PPP2R2B: variants seen among roughly 807,000 people sequenced by gnomAD.
The protein encoded by PPP2R2B is serine/threonine-protein phosphatase 2A 55 kDa regulatory subunit B beta isoform.
In PPP2R2B, 5 loss-of-function variants were observed where a neutral mutation model predicts 46.0. The observed-to-expected ratio is 0.11, with a 90% CI of 0.06 to 0.23. The LOEUF (loss-of-function observed/expected upper bound fraction) is 0.23, where lower values mean the gene tolerates loss of function less well. Among genes scored for constraint, PPP2R2B ranks in the 10% least tolerant of loss-of-function variants. The pLI, the probability that PPP2R2B is intolerant of heterozygous loss-of-function variation, is 1.00. For synonymous variants in PPP2R2B, 215 were observed against 206.7 expected, an observed-to-expected ratio of 1.04 and a Z score of -0.34; for missense variants, 367 against 575.0, an observed-to-expected ratio of 0.64 and a Z score of 3.70.
At chr5:146,965,187 A>C (rs1290092375) in intron 1 of PPP2R2B, among the ~76,000 whole-genome samples, 1 of 152,144 alleles carries the variant, frequency 6.6e-6, no homozygotes, top group Non-Finnish European at 1.5e-5. Context: ...AAAATCATCC[A>C]CCAACTCCCT....
At chr5:147,079,472 A>G (rs1757908171) in intron 2 of PPP2R2B, among the ~76,000 whole-genome samples, 1 of 145,298 alleles carries the variant, frequency 6.9e-6, no homozygotes, top group Non-Finnish European at 1.5e-5. Context: ...ATATATATAC[A>G]TGTGCAATGG....
chr5:146,763,452 C>A (rs1296877253), intron 2 of PPP2R2B, among the ~76,000 whole-genome samples: 2 of 152,150 alleles, frequency 1.3e-5, no homozygotes, highest in African/African-American at 2.4e-5. Flanking sequence ...TGGTATGACT[C>A]TTTTGGCAAT....
At chr5:146,954,756 ATGTGTG>A (rs149370877) in intron 1 of PPP2R2B, among the ~76,000 whole-genome samples, 96 of 146,750 alleles carry the variant, frequency 6.5e-4, no homozygotes, top group African/African-American at 2.3e-3. Context: ...ATGTGTATAT[ATGTGTG>A]TGTGTGTGTG....
At chr5:146,865,293 GACACAC>G (rs36219835) in intron 2 of PPP2R2B, among the ~76,000 whole-genome samples, 4,144 of 145,960 alleles carry the variant, frequency 0.028, 55 homozygotes, top group Non-Finnish European at 0.032. Flanking sequence ...CTTTGTCTCT[GACACAC>G]ACACACACAC....
chr5:146,794,620 G>T (rs547884139), intron 2 of PPP2R2B, among the ~76,000 whole-genome samples: 3 of 152,096 alleles, frequency 2.0e-5, no homozygotes, highest in African/African-American at 7.2e-5. Context: ...TTCTACAGTT[G>T]AGTAAGCCCA....
At chr5:147,042,218 C>T (rs911487175) in intron 1 of PPP2R2B, among the ~76,000 whole-genome samples, 4 of 152,056 alleles carry the variant, frequency 2.6e-5, no homozygotes, top group Non-Finnish European at 1.5e-5. Flanking sequence ...ATTGTTTTAA[C>T]TAGACCCCCC....
intron 7 of PPP2R2B, among the ~76,000 whole-genome samples, chr5:146,623,588 C>A (rs1157810059): frequency 6.6e-6 from 1 of 152,216 alleles, no homozygotes; most frequent in African/African-American, 2.4e-5. Context: ...AATTTCACTG[C>A]ATTACAGACA....
intron 1 of PPP2R2B, among the ~76,000 whole-genome samples, chr5:146,912,742 T>G (rs916260843): frequency 2.6e-5 from 4 of 151,930 alleles, no homozygotes; most frequent in Non-Finnish European, 5.9e-5. Flanking sequence ...CTCCTGACCT[T>G]GTGATCCGCT....
At chr5:146,943,771 G>A (rs1764397121) in intron 1 of PPP2R2B, among the ~76,000 whole-genome samples, 1 of 152,110 alleles carries the variant, frequency 6.6e-6, no homozygotes, top group Non-Finnish European at 1.5e-5. Flanking sequence ...TCCAAATCCA[G>A]CTTACTGAAA....
At chr5:146,651,075 A>G (rs996281228) in intron 5 of PPP2R2B, among the ~76,000 whole-genome samples, 6 of 152,062 alleles carry the variant, frequency 3.9e-5, no homozygotes, top group Non-Finnish European at 8.8e-5. Flanking sequence ...TAAACATGAA[A>G]TCTATTTAAA....
chr5:146,823,424 C>G (rs927169686), intron 2 of PPP2R2B, among the ~76,000 whole-genome samples: 1 of 152,006 alleles, frequency 6.6e-6, no homozygotes, highest in Non-Finnish European at 1.5e-5. Context: ...GTCTTGATCT[C>G]CTGACCTCGT....
chr5:146,755,873 AGCTTAT>A (rs1227624604), intron 2 of PPP2R2B, among the ~76,000 whole-genome samples: 1 of 152,184 alleles, frequency 6.6e-6, no homozygotes, highest in Non-Finnish European at 1.5e-5. Flanking sequence ...CAGGCACCAA[AGCTTAT>A]GCATTTTCAG....
intron 1 of PPP2R2B, among the ~76,000 whole-genome samples, chr5:146,972,175 T>C (rs769508660): frequency 4.7e-5 from 7 of 148,602 alleles, no homozygotes; most frequent in African/African-American, 1.7e-4. Flanking sequence ...CAATTTGGGT[T>C]TGTCAAATAT....
intron 1 of PPP2R2B, among the ~76,000 whole-genome samples, chr5:147,030,918 A>G (rs1755747487): frequency 6.6e-6 from 1 of 152,280 alleles, no homozygotes; most frequent in South Asian, 2.1e-4. Flanking sequence ...CTTGCAATAA[A>G]TTATCTCATA....
rs538885478 is a variant in PPP2R2B, at chr5:146,972,673, T to C, written c.79+82992A>G. Among the ~76,000 whole-genome samples the C allele has an allele frequency of 4.6e-5, 7 of 152,236 alleles. No homozygotes were observed. The East Asian group carries it at 9.7e-4, about 21-fold the overall frequency. Reference sequence around the variant, plus strand: ...GTCGAAGTCAGCTGAGATCATGCCATTGTACTCCAGCCTAGGCAAGAGAGT... The same window carrying C: ...GTCGAAGTCAGCTGAGATCATGCCACTGTACTCCAGCCTAGGCAAGAGAGT... On this transcript the variant is annotated intron_variant, in intron 1 of 8. Transcript: ENST00000336640.
intron 5 of PPP2R2B, among the ~76,000 whole-genome samples, chr5:146,688,165 T>C (rs1778625104): frequency 6.6e-6 from 1 of 152,120 alleles, no homozygotes; most frequent in African/African-American, 2.4e-5. Context: ...AAATGCAGGA[T>C]ATTTGAGAGC....
intron 1 of PPP2R2B, among the ~76,000 whole-genome samples, chr5:146,992,153 G>T (rs1240168499): frequency 6.6e-6 from 1 of 152,054 alleles, no homozygotes; most frequent in Non-Finnish European, 1.5e-5. Flanking sequence ...AAACAGCATG[G>T]TACTGGCATA....
chr5:146,726,118 G>A (rs868488830), intron 2 of PPP2R2B, among the ~76,000 whole-genome samples: 2 of 152,060 alleles, frequency 1.3e-5, no homozygotes, highest in African/African-American at 2.4e-5. Flanking sequence ...GGAGTTAAAG[G>A]GAAGAATCCA....
intron 2 of PPP2R2B, among the ~76,000 whole-genome samples, chr5:146,770,094 C>T (rs560006113): frequency 2.0e-5 from 3 of 151,800 alleles, no homozygotes; most frequent in Non-Finnish European, 2.9e-5. Context: ...TTTGGGAGGC[C>T]GAGGCAGGCA....
Sources: allele counts gnomAD v4.1 joint callset (sites outside exome capture counted in the v4.1 genomes callset), GRCh38; gene constraint gnomAD v4.1.1; transcripts MANE v1.5; gene names NCBI Gene and HGNC (gene_info 2026-07-23, HGNC 2026-07-21).